Variants in PTPN12 observed in about 807,000 individuals in gnomAD.
PTPN12 encodes tyrosine-protein phosphatase non-receptor type 12.
A neutral mutation model predicts 97.6 loss-of-function variants in PTPN12; 29 were observed. That is an observed-to-expected ratio of 0.30 (90% CI 0.22 to 0.41). The LOEUF is 0.41. Among genes scored for constraint, PTPN12 ranks in the 10% least tolerant of loss-of-function variants. The probability of loss-of-function intolerance (pLI) is 1.00; values close to 1 mark genes in which losing one functional copy is unlikely to be tolerated. For synonymous variants in PTPN12, 327 were observed against 300.4 expected, an observed-to-expected ratio of 1.09 and a Z score of -0.91; for missense variants, 819 against 926.0, an observed-to-expected ratio of 0.88 and a Z score of 1.50.
chr7:77,623,618 G>A (rs1789024170), intron 12 of PTPN12, among the ~76,000 whole-genome samples: 1 of 152,240 alleles, frequency 6.6e-6, no homozygotes, highest in Non-Finnish European at 1.5e-5. Context: ...GGCTGAGGCA[G>A]GAGATTCGCT....
Position 77,537,578 on chromosome 7 carries a change from T to C in PTPN12, c.32T>C (p.Ile11Thr). The C allele has an allele frequency of 6.2e-7, 1 of 1,601,162 alleles. No homozygotes were observed. The highest frequency in any genetic ancestry group is 8.5e-7 in the Non-Finnish European group (1 of 1,175,120). MEQVEILRKF[I>T]QRVQAMKSPD... ...CAAGTGGAGATCCTGAGGAAATTCA[T>C]CCAGAGGGTCCAGGCCATGAAGAGT... The change falls in exon 1 of 18, where the codon ATC becomes ACC. Residue 11 changes from isoleucine (I) to threonine (T), a missense_variant. Around this residue, in one of 5 missense-constraint regions of PTPN12, gnomAD observed 59 missense variants for 42.2 expected, o/e 1.40. Coordinates refer to ENST00000248594, the MANE Select transcript of PTPN12 (RefSeq NM_002835.4).
At chr7:77,629,338 T>C (rs1332147234) in intron 13 of PTPN12, among the ~76,000 whole-genome samples, 1 of 152,224 alleles carries the variant, frequency 6.6e-6, no homozygotes, top group African/African-American at 2.4e-5. Flanking sequence ...TAGAAGATAA[T>C]GAATAGTATA....
At chr7:77,573,618 C>T (rs1787236823) in intron 2 of PTPN12, among the ~76,000 whole-genome samples, 1 of 152,200 alleles carries the variant, frequency 6.6e-6, no homozygotes. Flanking sequence ...ACATGGCTTT[C>T]TGGATACTTC....
intron 12 of PTPN12, among the ~76,000 whole-genome samples, chr7:77,625,474 T>TCTCG (rs1554326607): frequency 6.9e-5 from 2 of 29,166 alleles, no homozygotes; most frequent in Non-Finnish European, 1.2e-4. Flanking sequence ...GGCTGCTCGC[T>TCTCG]CTCTCTCTCT....
chr7:77,625,472 G>GCTCGCGCTCTCTCTCTCCCTCTCTCT, intron 12 of PTPN12, among the ~76,000 whole-genome samples: 2 of 33,522 alleles, frequency 6.0e-5, no homozygotes, highest in Non-Finnish European at 1.0e-4. Flanking sequence ...CAGGCTGCTC[G>GCTCGCGCTCTCTCTCTCCCTCTCTCT]CTCTCTCTCT....
At position 77,571,564 on chromosome 7, in the gene PTPN12, A is replaced by C. The variant is rs932998163; in HGVS notation, c.208+378A>C. On this transcript the variant is annotated intron_variant, in intron 2 of 17. Transcript: ENST00000248594. Reference sequence around the variant, plus strand: ...TCATATATCTATACATAAGAACCTTAATTGATTAATTATGCATGAGAAAAT... The same window carrying C: ...TCATATATCTATACATAAGAACCTTCATTGATTAATTATGCATGAGAAAAT... Among the ~76,000 whole-genome samples, 7 of 152,316 alleles carry C rather than the reference A, an allele frequency of 4.6e-5. No individual in the cohort carries two copies. In the South Asian group the frequency reaches 1.4e-3, roughly 32 times the overall value.
intron 1 of PTPN12, among the ~76,000 whole-genome samples, chr7:77,540,521 G>A (rs1435992325): frequency 6.7e-6 from 1 of 148,464 alleles, no homozygotes; most frequent in African/African-American, 2.5e-5. Context: ...TAGGATTACA[G>A]GCATGAGCCA....
chr7:77,582,111 T>TC, intron 3 of PTPN12, among the ~76,000 whole-genome samples: 1 of 124,200 alleles, frequency 8.1e-6, no homozygotes, highest in East Asian at 3.1e-4. Flanking sequence ...TTTTTTTTTT[T>TC]TGAGACGGAG....
At chr7:77,623,088 G>GAT (rs1789004150) in intron 12 of PTPN12, among the ~76,000 whole-genome samples, 1 of 151,410 alleles carries the variant, frequency 6.6e-6, no homozygotes, top group Admixed American at 6.6e-5. Flanking sequence ...CACCAAGCTT[G>GAT]ATATACACCA....
chr7:77,588,064 G>A (rs1435881366), intron 5 of PTPN12, among the ~76,000 whole-genome samples: 1 of 152,150 alleles, frequency 6.6e-6, no homozygotes, highest in Non-Finnish European at 1.5e-5. Flanking sequence ...AAGCAATAAG[G>A]CTGTTTGACC....
intron 1 of PTPN12, among the ~76,000 whole-genome samples, chr7:77,547,538 G>C (rs576200208): frequency 1.2e-4 from 19 of 152,284 alleles, no homozygotes. Flanking sequence ...CTGTGATTCT[G>C]AGCAGATTAT....
chr7:77,606,095 C>T (rs1475580729), intron 8 of PTPN12, among the ~76,000 whole-genome samples: 4 of 151,860 alleles, frequency 2.6e-5, no homozygotes, highest in African/African-American at 9.7e-5. Flanking sequence ...GCTGGGATTG[C>T]GTGTGTCTGC....
Position 77,638,857 on chromosome 7 carries a change from A to G in PTPN12, c.2281+126A>G, listed in dbSNP as rs1436758217. ...ATGATTTTCCAAAGTTGCTTGGACTAGTCATGAAATAAATGAAATACTTAA... is the reference window on the plus strand; with the variant it reads ...ATGATTTTCCAAAGTTGCTTGGACTGGTCATGAAATAAATGAAATACTTAA... On this transcript the variant is annotated intron_variant, in intron 17 of 17. Coordinates refer to ENST00000248594, the MANE Select transcript of PTPN12 (RefSeq NM_002835.4). The G allele has an allele frequency of 3.9e-5, 53 of 1,361,066 alleles. No homozygotes were observed. In the Middle Eastern group the frequency reaches 1.3e-3, roughly 34 times the overall value. 84.3% of individuals were successfully genotyped at this position (1,361,066 alleles called of 1,614,324 possible).
chr7:77,614,284 A>G (rs1788677246), intron 11 of PTPN12, among the ~76,000 whole-genome samples: 1 of 152,218 alleles, frequency 6.6e-6, no homozygotes, highest in African/African-American at 2.4e-5. Flanking sequence ...AATTAGATCA[A>G]AGTCTGATCT....
intron 12 of PTPN12, among the ~76,000 whole-genome samples, chr7:77,625,472 G>GCTCGCTCTCT: frequency 2.7e-4 from 9 of 33,526 alleles, no homozygotes; most frequent in Non-Finnish European, 4.0e-4. Flanking sequence ...CAGGCTGCTC[G>GCTCGCTCTCT]CTCTCTCTCT....
intron 12 of PTPN12, 127 bp downstream of exon 12, chr7:77,618,692 A>T (rs952457395): frequency 1.2e-5 from 8 of 667,294 alleles, no homozygotes; most frequent in African/African-American, 3.7e-5. Flanking sequence ...GTTAGGATGT[A>T]ACATACGTAT....
rs1331583976 is a variant in PTPN12, at chr7:77,627,384, A to C, written c.1705A>C (p.Thr569Pro). The C allele has an allele frequency of 6.2e-7, 1 of 1,614,162 alleles. No individual in the cohort carries two copies. Among genetic ancestry groups the C allele is most frequent in the Non-Finnish European group, 8.5e-7 (1 of 1,180,006 alleles). ...TCAAACTAGGAAAACTGTGAGTTTA[A>C]CACCAAGTCCTACAACACAAGTTGA... ...NYQTRKTVSL[T>P]PSPTTQVETP... The change falls in exon 13 of 18, where the codon ACA (threonine) becomes CCA (proline). Residue 569 changes from threonine to proline, a missense_variant. Transcript: ENST00000248594.
At chr7:77,580,084 G>GA (rs1223425843) in intron 2 of PTPN12, among the ~76,000 whole-genome samples, 4 of 151,936 alleles carry the variant, frequency 2.6e-5, no homozygotes, top group Non-Finnish European at 5.9e-5. Context: ...TTTTTAATAG[G>GA]AAAAAAATGG....
chr7:77,547,903 A>G (rs1807296263), intron 1 of PTPN12, among the ~76,000 whole-genome samples: 1 of 152,224 alleles, frequency 6.6e-6, no homozygotes, highest in Non-Finnish European at 1.5e-5. Context: ...AGAAAATCTT[A>G]TGTACCCAAA....
Sources: gnomAD v4.1 joint callset for allele counts (sites outside exome capture counted in the v4.1 genomes callset) on GRCh38, gnomAD v4.1.1 for gene constraint, gnomAD v4.1.1 regional missense constraint, MANE v1.5 for transcripts, NCBI Gene and HGNC (gene_info 2026-07-23, HGNC 2026-07-21) for gene names.